Variants in HMGN3 observed in about 807,000 individuals in gnomAD.
HMGN3 encodes the protein high mobility group nucleosome-binding domain-containing protein 3.
A neutral mutation model predicts 18.8 loss-of-function variants in HMGN3; 6 were observed. The observed-to-expected ratio is 0.32, with a 90% CI of 0.18 to 0.63. HMGN3 has a LOEUF of 0.63. Among genes scored for constraint, HMGN3 ranks in the 30% least tolerant of loss-of-function variants. The pLI, the probability that HMGN3 is intolerant of heterozygous loss-of-function variation, is 0.79. For missense variants in HMGN3, 107 were observed against 114.2 expected, an observed-to-expected ratio of 0.94 and a Z score of 0.29; for synonymous variants, 40 against 36.5, an observed-to-expected ratio of 1.10 and a Z score of -0.35.
At chr6:79,202,425 T>C (rs375592825) in intron 4 of HMGN3, 36 bp from the exon 5 acceptor site, 21 of 1,510,586 alleles carry the variant, frequency 1.4e-5, no homozygotes, top group Admixed American at 5.0e-5. Context: ...AAGAGAATGT[T>C]AGACACGGTG....
chr6:79,231,849 T>C (rs983665172), intron 1 of HMGN3, among the ~76,000 whole-genome samples: 1 of 152,198 alleles, frequency 6.6e-6, no homozygotes, highest in Admixed American at 6.5e-5. Flanking sequence ...TTTAATGTTA[T>C]TCAACTGTTT....
chr6:79,214,476 C>G (rs911724215), intron 2 of HMGN3, among the ~76,000 whole-genome samples: 14 of 152,334 alleles, frequency 9.2e-5, no homozygotes, highest in African/African-American at 3.4e-4. Context: ...GCTGGGATTA[C>G]AGGCGTGAGC....
At chr6:79,224,601 G>C (rs1459829807) in intron 1 of HMGN3, among the ~76,000 whole-genome samples, 3 of 152,082 alleles carry the variant, frequency 2.0e-5, no homozygotes, top group Admixed American at 2.0e-4. Context: ...ATTTTTTGTA[G>C]TACTTTACAT....
At chr6:79,226,604 C>T (rs940517678) in intron 1 of HMGN3, among the ~76,000 whole-genome samples, 2 of 152,072 alleles carry the variant, frequency 1.3e-5, no homozygotes, top group African/African-American at 2.4e-5. Flanking sequence ...ATACAAAACA[C>T]GTATCTCAGG....
At chr6:79,203,549 A>T in intron 4 of HMGN3, 31 bp downstream of exon 4, 2 of 1,589,536 alleles carry the variant, frequency 1.3e-6, no homozygotes, top group South Asian at 1.1e-5. Context: ...CATTGTTTAA[A>T]AAGCCAAAAG....
intron 1 of HMGN3, among the ~76,000 whole-genome samples, chr6:79,233,001 G>A (rs1057067451): frequency 2.6e-5 from 4 of 152,156 alleles, no homozygotes; most frequent in Non-Finnish European, 5.9e-5. Flanking sequence ...CTCTTAATAT[G>A]CCATCTGTCT....
intron 3 of HMGN3, among the ~76,000 whole-genome samples, chr6:79,203,851 T>A: frequency 6.6e-6 from 1 of 152,338 alleles, no homozygotes; most frequent in Non-Finnish European, 1.5e-5. Flanking sequence ...CAGGTGAGAT[T>A]GAAAAGCCGA....
chr6:79,202,991 T>A (rs1776222296), intron 4 of HMGN3, among the ~76,000 whole-genome samples: 1 of 152,084 alleles, frequency 6.6e-6, no homozygotes, highest in Non-Finnish European at 1.5e-5. Context: ...AAGGGCAGAG[T>A]GCAGAAAAGC....
At chr6:79,213,129 C>G (rs1426597046) in intron 2 of HMGN3, among the ~76,000 whole-genome samples, 1 of 151,454 alleles carries the variant, frequency 6.6e-6, no homozygotes, top group South Asian at 2.1e-4. Flanking sequence ...CAGTCCCAGC[C>G]ACTTGGAGGC....
chr6:79,226,087 A>T (rs886373740), intron 1 of HMGN3, among the ~76,000 whole-genome samples: 3 of 152,260 alleles, frequency 2.0e-5, no homozygotes, highest in African/African-American at 7.2e-5. Context: ...ATTATGGTGT[A>T]ATAGTTAACA....
At chr6:79,219,469 A>T (rs1246443657) in intron 1 of HMGN3, among the ~76,000 whole-genome samples, 4 of 152,150 alleles carry the variant, frequency 2.6e-5, no homozygotes. Flanking sequence ...TTTAGTAATA[A>T]GAAAAACAAA....
At chr6:79,207,110 C>T (rs575840481) in intron 3 of HMGN3, among the ~76,000 whole-genome samples, 3 of 152,182 alleles carry the variant, frequency 2.0e-5, no homozygotes, top group Non-Finnish European at 2.9e-5. Context: ...AGGGAATTGC[C>T]TTATCTCAGA....
intron 2 of HMGN3, among the ~76,000 whole-genome samples, chr6:79,212,165 C>G (rs1038491100): frequency 4.0e-5 from 6 of 151,800 alleles, no homozygotes; most frequent in Non-Finnish European, 5.9e-5. Context: ...ACTGGATTAC[C>G]AGATTTTTAG....
At chr6:79,231,968 T>C (rs1264755358) in intron 1 of HMGN3, among the ~76,000 whole-genome samples, 4 of 152,198 alleles carry the variant, frequency 2.6e-5, no homozygotes, top group Non-Finnish European at 5.9e-5. Context: ...ATGTTTTCAT[T>C]GACTTTATCT....
At chr6:79,205,430 T>C (rs929042702) in intron 3 of HMGN3, among the ~76,000 whole-genome samples, 3 of 152,242 alleles carry the variant, frequency 2.0e-5, no homozygotes, top group African/African-American at 7.2e-5. Context: ...TGAGATCTGA[T>C]GGTTTTAATA....
intron 1 of HMGN3, among the ~76,000 whole-genome samples, chr6:79,223,761 T>C (rs1236769296): frequency 1.3e-5 from 2 of 150,850 alleles, no homozygotes; most frequent in Non-Finnish European, 3.0e-5. Flanking sequence ...TTATGTGCTG[T>C]GGTTTTGTAC....
At chr6:79,234,637 C>T (rs1582462249) in exon 1 of HMGN3, 4 of 1,479,616 alleles carry the variant, frequency 2.7e-6, no homozygotes, top group East Asian at 2.3e-5. Context: ...CTGCCTCTGC[C>T]TCTGCAGCTG....
At chr6:79,224,788 G>T (rs1464584416) in intron 1 of HMGN3, among the ~76,000 whole-genome samples, 1 of 152,132 alleles carries the variant, frequency 6.6e-6, no homozygotes. Flanking sequence ...TCTCTGTATT[G>T]TTATAACAGG....
At chr6:79,207,943 A>C (rs1028446596) in intron 3 of HMGN3, among the ~76,000 whole-genome samples, 2 of 152,180 alleles carry the variant, frequency 1.3e-5, no homozygotes, top group Non-Finnish European at 1.5e-5. Flanking sequence ...AAAAGAGAAG[A>C]GCATAAGAAC....
Sources: allele counts gnomAD v4.1 joint callset (sites outside exome capture counted in the v4.1 genomes callset), GRCh38; gene constraint gnomAD v4.1.1; transcripts MANE v1.5; gene names NCBI Gene and HGNC (gene_info 2026-07-23, HGNC 2026-07-21).